SLC10A7: variants seen among roughly 807,000 people sequenced by gnomAD.
SLC10A7 encodes sodium/bile acid cotransporter 7.
In SLC10A7, 29 loss-of-function variants were observed where a neutral mutation model predicts 43.2. The ratio of observed to expected loss-of-function variants is 0.67; its 90% CI spans 0.50 to 0.92. SLC10A7 has a LOEUF of 0.92. Ranked by LOEUF, SLC10A7 falls within the 40% of genes least tolerant of loss-of-function variation. SLC10A7 has a pLI of 0.00. For synonymous variants in SLC10A7, 152 were observed against 144.8 expected (o/e 1.05, Z -0.35); for missense variants, 295 against 403.2 (o/e 0.73, Z 2.30).
intron 7 of SLC10A7, among the ~76,000 whole-genome samples, chr4:146,303,117 T>A (rs911716252): frequency 1.3e-5 from 2 of 152,156 alleles, no homozygotes; most frequent in African/African-American, 4.8e-5. Flanking sequence ...TGTAAGAGTA[T>A]AAAGACCAGG....
At chr4:146,488,645 C>T (rs1418376178) in intron 4 of SLC10A7, among the ~76,000 whole-genome samples, 1 of 152,048 alleles carries the variant, frequency 6.6e-6, no homozygotes. Flanking sequence ...CTTTTATTTC[C>T]TTCTAAGCAT....
chr4:146,423,030 C>T (rs2149852039), intron 5 of SLC10A7, among the ~76,000 whole-genome samples: 1 of 151,996 alleles, frequency 6.6e-6, no homozygotes, highest in East Asian at 1.9e-4. Flanking sequence ...AACAAGTGAC[C>T]TTTTCTAATG....
At chr4:146,372,134 G>T (rs2244837) in intron 5 of SLC10A7, among the ~76,000 whole-genome samples, 83 of 152,232 alleles carry the variant, frequency 5.5e-4, no homozygotes, top group African/African-American at 1.8e-3. Context: ...ATTTAAGGCA[G>T]AGCTGAGAAA....
intron 4 of SLC10A7, among the ~76,000 whole-genome samples, chr4:146,450,339 C>A (rs917149934): frequency 6.6e-6 from 1 of 152,014 alleles, no homozygotes; most frequent in African/African-American, 2.4e-5. Context: ...CTAGAGAAGA[C>A]AAAGTATACA....
intron 4 of SLC10A7, among the ~76,000 whole-genome samples, chr4:146,476,948 GA>G (rs11298351): frequency 0.8 from 119,238 of 149,886 alleles, 47,647 homozygotes; most frequent in East Asian, 0.96. Context: ...ATTCTGCTCT[GA>G]AAAAAAAAAA....
At chr4:146,506,461 C>T (rs1736905113) in intron 3 of SLC10A7, among the ~76,000 whole-genome samples, 1 of 152,164 alleles carries the variant, frequency 6.6e-6, no homozygotes, top group African/African-American at 2.4e-5. Flanking sequence ...TCCCACTTTT[C>T]TCATTGTGAC....
At chr4:146,294,765 C>T (rs1730667626) in intron 7 of SLC10A7, among the ~76,000 whole-genome samples, 1 of 152,170 alleles carries the variant, frequency 6.6e-6, no homozygotes, top group Non-Finnish European at 1.5e-5. Flanking sequence ...TCCTAACTCT[C>T]CTACAAAAGG....
At chr4:146,399,093 C>G (rs1378671192) in intron 5 of SLC10A7, among the ~76,000 whole-genome samples, 1 of 152,196 alleles carries the variant, frequency 6.6e-6, no homozygotes, top group Non-Finnish European at 1.5e-5. Flanking sequence ...CACTGTAGAG[C>G]TGTCATTTGA....
chr4:146,442,254 T>G, intron 5 of SLC10A7: 2 of 934,802 alleles, frequency 2.1e-6, no homozygotes, highest in Non-Finnish European at 2.5e-6. Flanking sequence ...TATATATATA[T>G]AGATACAACA....
chr4:146,490,797 A>G (rs1159635779), intron 4 of SLC10A7, among the ~76,000 whole-genome samples: 1 of 152,234 alleles, frequency 6.6e-6, no homozygotes, highest in African/African-American at 2.4e-5. Flanking sequence ...CAGTAAATAC[A>G]TGAAAGAATC....
At chr4:146,369,141 C>T (rs1447984054) in intron 5 of SLC10A7, among the ~76,000 whole-genome samples, 1 of 152,112 alleles carries the variant, frequency 6.6e-6, no homozygotes, top group Admixed American at 6.6e-5. Flanking sequence ...TATATTCCTC[C>T]AGCAGGTATA....
At chr4:146,364,175 A>G (rs1736238649) in intron 5 of SLC10A7, among the ~76,000 whole-genome samples, 1 of 152,042 alleles carries the variant, frequency 6.6e-6, no homozygotes, top group African/African-American at 2.4e-5. Flanking sequence ...CACTGAAATC[A>G]CAGAAATCTG....
chr4:146,421,163 T>C (rs1303044520), intron 5 of SLC10A7, among the ~76,000 whole-genome samples: 2 of 152,190 alleles, frequency 1.3e-5, no homozygotes, highest in Non-Finnish European at 2.9e-5. Context: ...AGATTTAATC[T>C]TATTTAATCT....
intron 10 of SLC10A7, among the ~76,000 whole-genome samples, chr4:146,267,257 G>A (rs954958301): frequency 1.3e-5 from 2 of 152,186 alleles, no homozygotes; most frequent in African/African-American, 4.8e-5. Context: ...GGTATGACTT[G>A]CCTGTGAGAT....
intron 5 of SLC10A7, among the ~76,000 whole-genome samples, chr4:146,404,759 C>G (rs888125063): frequency 7.9e-5 from 12 of 151,970 alleles, no homozygotes; most frequent in African/African-American, 2.2e-4. Flanking sequence ...TGTGAGCCAC[C>G]GCACCTGGCT....
chr4:146,505,957 C>A lies in SLC10A7; in HGVS notation c.321-2033G>T, dbSNP rs554658480. On this transcript the variant is annotated intron_variant, in intron 3 of 11. Transcript: ENST00000335472. ...AAGATAAGTAACTTTCCCAAACTCA[C>A]AAAGCCACCTATCTGGGGTAAAACT... Among the ~76,000 whole-genome samples, 55 of 152,304 alleles carry A rather than the reference C, an allele frequency of 3.6e-4. No homozygotes were observed. In the South Asian group the frequency reaches 0.01, roughly 29 times the overall value.
chr4:146,345,339 C>A (rs895489367), intron 5 of SLC10A7, among the ~76,000 whole-genome samples: 2 of 152,282 alleles, frequency 1.3e-5, no homozygotes. Context: ...GAGACTACAA[C>A]ACAGTTTCCA....
At chr4:146,395,573 T>C (rs1738765298) in intron 5 of SLC10A7, among the ~76,000 whole-genome samples, 1 of 152,190 alleles carries the variant, frequency 6.6e-6, no homozygotes, top group African/African-American at 2.4e-5. Context: ...ATAGAACAAT[T>C]TACTGCACAA....
At chr4:146,314,271 T>C (rs1732174976) in intron 6 of SLC10A7, among the ~76,000 whole-genome samples, 1 of 152,204 alleles carries the variant, frequency 6.6e-6, no homozygotes, top group South Asian at 2.1e-4. Flanking sequence ...ACAAGGTTTC[T>C]TATACAAAGA....
Sources: allele counts gnomAD v4.1 joint callset (sites outside exome capture counted in the v4.1 genomes callset), GRCh38; gene constraint gnomAD v4.1.1; transcripts MANE v1.5; gene names NCBI Gene and HGNC (gene_info 2026-07-23, HGNC 2026-07-21).